Variants in YIPF7 observed in about 807,000 individuals in gnomAD.
The protein encoded by YIPF7 is Yip1 domain family member 7, also known as protein YIPF7.
Under a neutral mutation model 27.2 loss-of-function variants are expected in YIPF7, and 35 were observed. The ratio of observed to expected loss-of-function variants is 1.29; its 90% confidence interval spans 0.98 to 1.70. The LOEUF (loss-of-function observed/expected upper bound fraction) is 1.70. YIPF7 is among the 40% of genes most tolerant of loss of function. YIPF7 has a pLI of 0.00. For missense variants in YIPF7, 358 were observed against 303.7 expected, an observed-to-expected ratio of 1.18 and a Z score of -1.33; for synonymous variants, 137 against 110.4, an observed-to-expected ratio of 1.24 and a Z score of -1.51.
chr4:44,622,754 T>C (rs1396214954), intron 5 of YIPF7, among the ~76,000 whole-genome samples, 178 bp from the exon 6 acceptor site: 1 of 152,234 alleles, frequency 6.6e-6, no homozygotes, highest in Non-Finnish European at 1.5e-5. Flanking sequence ...TTAGTCAAAT[T>C]CATTACAGAG....
At chr4:44,627,400 T>C (rs996201) in intron 4 of YIPF7, among the ~76,000 whole-genome samples, 149,166 of 152,310 alleles carry the variant, frequency 0.98, 73,131 homozygotes, top group East Asian at 1. Context: ...GACTCTTATG[T>C]CTCCAGAGAT....
At position 44,622,283 on chromosome 4, in the gene YIPF7, C is replaced by A; in HGVS notation, c.*131G>T. On this transcript the variant is annotated 3_prime_UTR_variant, in exon 6 of 6. Transcript: ENST00000415895. The stretch of plus-strand genomic sequence containing the variant: ...ATTAGAGCACCACCCTTAAGTGCTG[C>A]TTTGTCTCTCTGCTTATTACTCTCT... 8 of 1,186,768 alleles carry A rather than the reference C, an allele frequency of 6.7e-6. No homozygotes were observed. Among genetic ancestry groups the A allele is most frequent in the Non-Finnish European group, 8.2e-6 (7 of 857,548 alleles). The allele number at this position is 1,186,768 out of a possible 1,614,324, so 73.5% of individuals were successfully genotyped here. A position where few individuals can be genotyped will look rare whatever the true frequency, so the allele number is the denominator to read the frequency against.
chr4:44,651,708 T>C (rs1322652305), upstream of YIPF7: 1 of 1,045,554 alleles, frequency 9.6e-7, no homozygotes, highest in Non-Finnish European at 1.3e-6. Flanking sequence ...CAGTCAAAAA[T>C]AAAAAAGCCT....
In YIPF7 at chr4:44,636,023, G is replaced by A. The variant is rs747871587; in HGVS notation, c.179C>T (p.Ser60Leu). ...SFVPSEMLMS[S>L]GYAGQFFQPA... Reference sequence around the variant, plus strand: ...CTGAAAAAATTGTCCTGCGTAACCCGATGACATGAGCATCTCTGATGGAAC... The same window carrying A: ...CTGAAAAAATTGTCCTGCGTAACCCAATGACATGAGCATCTCTGATGGAAC... Residue 60 changes from serine (S) to leucine (L), a missense_variant, in exon 3 of 6, where the codon TCG (serine) becomes TTG (leucine). By Grantham distance (145) the Ser-to-Leu change is moderately radical. Coordinates refer to ENST00000415895, the MANE Select transcript of YIPF7 (RefSeq NM_182592.3). The A allele has an allele frequency of 9.9e-6, 16 of 1,613,812 alleles. No individual in the cohort carries two copies. Among genetic ancestry groups the A allele is most frequent in the Admixed American group, 6.7e-5 (4 of 60,024 alleles).
chr4:44,642,177 T>C (rs1297292807), intron 2 of YIPF7, among the ~76,000 whole-genome samples: 1 of 152,152 alleles, frequency 6.6e-6, no homozygotes, highest in Non-Finnish European at 1.5e-5. Flanking sequence ...CCTCTGTGAA[T>C]GAGTGGACTA....
At chr4:44,662,031 T>G (rs1232309125) in intron 1 of YIPF7, among the ~76,000 whole-genome samples, 1 of 152,216 alleles carries the variant, frequency 6.6e-6, no homozygotes, top group Admixed American at 6.5e-5. Flanking sequence ...GATGAACATG[T>G]GCTTTTCTTC....
chr4:44,645,284 T>G (rs912056724), intron 2 of YIPF7, among the ~76,000 whole-genome samples: 2 of 152,214 alleles, frequency 1.3e-5, no homozygotes, highest in African/African-American at 2.4e-5. Flanking sequence ...TATTTTCCTT[T>G]TTTTACTAAG....
upstream of YIPF7, among the ~76,000 whole-genome samples, chr4:44,655,042 A>G (rs918414601): frequency 3.3e-5 from 5 of 151,972 alleles, no homozygotes; most frequent in African/African-American, 1.2e-4. Context: ...ATTTCCATCC[A>G]TAGTTTCTTA....
intron 2 of YIPF7, among the ~76,000 whole-genome samples, chr4:44,640,875 T>G (rs1015102419): frequency 7.9e-5 from 12 of 152,016 alleles, no homozygotes; most frequent in African/African-American, 2.7e-4. Flanking sequence ...TGCCTAGGAC[T>G]GGAATTCTCA....
chr4:44,636,945 C>T (rs1388859300), intron 2 of YIPF7, among the ~76,000 whole-genome samples: 1 of 152,166 alleles, frequency 6.6e-6, no homozygotes, highest in Non-Finnish European at 1.5e-5. Context: ...AATGATTCTA[C>T]TCTCTACTTC....
intron 4 of YIPF7, among the ~76,000 whole-genome samples, chr4:44,626,999 G>A (rs1476601483): frequency 2.6e-5 from 4 of 151,116 alleles, no homozygotes; most frequent in African/African-American, 9.7e-5. Context: ...AGCCAGGATG[G>A]TCTCGATCTC....
Position 44,622,534 on chromosome 4 carries a change from C to T in YIPF7, c.651G>A (p.Trp217Ter). The change falls in exon 6 of 6, where the codon TGG (tryptophan) becomes TGA (stop). Residue 217 changes from tryptophan to a stop codon, truncating the protein, a stop_gained. Transcript: ENST00000415895. LOFTEE classifies it high-confidence loss of function. The part of the protein sequence containing the change: ...GIMSSLVIIG[W>*]CSLSASKIFI... ...AGATCTTGGAAGCTGAGAGACTACA[C>T]CAGCCAATGATGACCAGGGATGACA... 2 of 1,613,870 alleles carry T rather than the reference C, an allele frequency of 1.2e-6. No homozygotes were observed. Among genetic ancestry groups the T allele is most frequent in the Non-Finnish European group, 1.7e-6 (2 of 1,179,820 alleles).
intron 2 of YIPF7, among the ~76,000 whole-genome samples, chr4:44,641,587 T>A (rs1161269681): frequency 5.3e-5 from 8 of 152,216 alleles, no homozygotes; most frequent in African/African-American, 9.6e-5. Context: ...GATTTCTTTA[T>A]GATAAAATAT....
rs76572894 is a variant in YIPF7 at position 44,622,601 on chromosome 4, T to G, written c.609-25A>C. 701 of 1,609,754 alleles carry G rather than the reference T, an allele frequency of 4.4e-4. 1 individual carries two copies. In the African/African-American group the frequency reaches 8.5e-3, roughly 20 times the overall value. Reference sequence around the variant, plus strand: ...CCTGCAGCAAAGACAAAGAAATGATTGCCTGTGCCAGTAGAAAAGAGATTA... The same window carrying G: ...CCTGCAGCAAAGACAAAGAAATGATGGCCTGTGCCAGTAGAAAAGAGATTA... On this transcript the variant is annotated intron_variant, in intron 5 of 5. Coordinates refer to ENST00000415895, the MANE Select transcript of YIPF7 (RefSeq NM_182592.3).
chr4:44,654,988 C>T (rs1713850942), upstream of YIPF7, among the ~76,000 whole-genome samples: 1 of 151,918 alleles, frequency 6.6e-6, no homozygotes, highest in African/African-American at 2.4e-5. Context: ...AGGAAAGATT[C>T]TTCTGTGGTT....
At chr4:44,654,028 A>G (rs1713815167), upstream of YIPF7, among the ~76,000 whole-genome samples, 2 of 152,090 alleles carry the variant, frequency 1.3e-5, no homozygotes, top group African/African-American at 4.8e-5. Context: ...AAAATGGCAT[A>G]TAAAAAAATT....
At chr4:44,640,828 A>G (rs1460842959) in intron 2 of YIPF7, among the ~76,000 whole-genome samples, 1 of 151,574 alleles carries the variant, frequency 6.6e-6, no homozygotes, top group Non-Finnish European at 1.5e-5. Context: ...CCTAGTTCAC[A>G]CCCCGGTTCT....
chr4:44,636,237 C>T (rs780484258), intron 2 of YIPF7, among the ~76,000 whole-genome samples, 152 bp from the exon 3 acceptor site: 7 of 151,964 alleles, frequency 4.6e-5, no homozygotes, highest in Non-Finnish European at 1.0e-4. Context: ...AACTTTAGTC[C>T]AAAAATGTAA....
chr4:44,637,958 G>A (rs547232051), intron 2 of YIPF7, among the ~76,000 whole-genome samples: 1 of 152,088 alleles, frequency 6.6e-6, no homozygotes, highest in East Asian at 1.9e-4. Flanking sequence ...ATTCAAAAGT[G>A]ACTAATATCC....
Sources: gnomAD v4.1 joint callset for allele counts (sites outside exome capture counted in the v4.1 genomes callset) on GRCh38, gnomAD v4.1.1 for gene constraint, MANE v1.5 for transcripts, NCBI Gene and HGNC (gene_info 2026-07-23, HGNC 2026-07-21) for gene names.